GLB1L3: variants seen among roughly 807,000 people sequenced by gnomAD.
GLB1L3 encodes galactosidase beta 1 like 3.
GLB1L3 carries 89 observed loss-of-function variants against 89.5 expected under a neutral mutation model. That is an observed-to-expected ratio of 0.99 (90% CI 0.84 to 1.19). GLB1L3 has a LOEUF of 1.19. GLB1L3 is among the 50% of genes most tolerant of loss of function. The pLI is 0.00. For missense variants in GLB1L3, 812 were observed against 813.3 expected (o/e 1.00, Z 0.02); for synonymous variants, 314 against 312.3 (o/e 1.01, Z -0.06).
At chr11:134,292,978 C>T (rs1337457572) in intron 8 of GLB1L3, 167 bp from the exon 9 acceptor site, 7 of 657,866 alleles carry the variant, frequency 1.1e-5, no homozygotes, top group Admixed American at 2.3e-5. Context: ...TGGCGATGGC[C>T]GTGGCAGCCC....
rs374485962 is a variant in GLB1L3, at chr11:134,312,391, A to T, written c.1330A>T (p.Ile444Leu). 6.2e-7 allele frequency: 1 copy of T among 1,613,708 alleles called. No homozygotes were observed. Among genetic ancestry groups the T allele is most frequent in the East Asian group, 2.2e-5 (1 of 44,890 alleles). The change falls in exon 14 of 20, where the codon ATA becomes TTA. Residue 444 changes from isoleucine to leucine, a missense_variant. Ile to Leu is a conservative substitution (Grantham distance 5, BLOSUM62 2). This residue lies in a region of GLB1L3 where 618 missense variants were observed against 604.0 expected (regional missense o/e 1.02). Coordinates refer to ENST00000431683, the MANE Select transcript of GLB1L3 (RefSeq NM_001080407.3). ...RQPVNMENLPINNGSGQSYGL... is the reference protein window; with the variant it reads ...RQPVNMENLPLNNGSGQSYGL... Reference sequence around the variant, plus strand: ...GCCCGTCAACATGGAGAACCTTCCCATAAACAATGGGAGCGGCCAGTCCTA... The same window carrying T: ...GCCCGTCAACATGGAGAACCTTCCCTTAAACAATGGGAGCGGCCAGTCCTA...
rs141520896 is a variant in GLB1L3 at position 134,317,799 on chromosome 11, C to CTTTA, written c.1780-830_1780-829insTATT. 6.8e-3 allele frequency among the ~76,000 whole-genome samples: 1,030 copies of CTTTA among 152,092 alleles called. 17 individuals are homozygous for CTTTA. The highest frequency in any genetic ancestry group is 0.023 in the African/African-American group (966 of 41,498). ...TATGGTTGTAAATTTATTTATTTCTCTTCTGTCAATTTCGCTGATATGTTT... is the reference window on the plus strand; with the variant it reads ...TATGGTTGTAAATTTATTTATTTCTCTTTATTCTGTCAATTTCGCTGATATGTTT... On this transcript the variant is annotated intron_variant, in intron 18 of 19. Transcript: ENST00000431683.
At chr11:134,316,756 A>T (rs1045369466) in intron 18 of GLB1L3, 1 of 152,060 alleles carries the variant, frequency 6.6e-6, no homozygotes, top group East Asian at 1.9e-4. Flanking sequence ...TAAAATACCT[A>T]CTCTTGCTCT....
chr11:134,309,371 A>G (rs1475713024), intron 10 of GLB1L3, among the ~76,000 whole-genome samples: 1 of 152,232 alleles, frequency 6.6e-6, no homozygotes, highest in Non-Finnish European at 1.5e-5. Flanking sequence ...GAAACTAAAC[A>G]AAATGATGTA....
downstream of GLB1L3, among the ~76,000 whole-genome samples, chr11:134,320,803 A>T (rs763039064): frequency 6.6e-6 from 1 of 152,162 alleles, no homozygotes; most frequent in Non-Finnish European, 1.5e-5. Context: ...TCATCAAAAG[A>T]TCCCCACTAA....
intron 7 of GLB1L3, 130 bp from the exon 8 acceptor site, chr11:134,292,002 A>G: frequency 7.5e-6 from 5 of 666,720 alleles, no homozygotes; most frequent in East Asian, 2.8e-5. Flanking sequence ...TTAAAAAAGT[A>G]AAAACATATT....
chr11:134,302,828 G>T (rs1209214818), intron 9 of GLB1L3, among the ~76,000 whole-genome samples: 4 of 152,134 alleles, frequency 2.6e-5, no homozygotes, highest in African/African-American at 9.7e-5. Flanking sequence ...TTCTGTTTAA[G>T]TTCTATGTCA....
intron 11 of GLB1L3, 130 bp from the exon 12 acceptor site, chr11:134,310,440 AC>A: frequency 1.5e-6 from 1 of 651,840 alleles, no homozygotes. Flanking sequence ...GGCATCACAC[AC>A]CCACGTGGGA....
At chr11:134,280,323 T>C (rs1051620278) in intron 3 of GLB1L3, among the ~76,000 whole-genome samples, 5 of 152,204 alleles carry the variant, frequency 3.3e-5, no homozygotes, top group African/African-American at 1.2e-4. Flanking sequence ...TTTACAACTG[T>C]TTCATGCATT....
chr11:134,308,269 C>T (rs1403464680), intron 10 of GLB1L3, among the ~76,000 whole-genome samples: 4 of 50,578 alleles, frequency 7.9e-5, no homozygotes, highest in East Asian at 1.3e-3. Context: ...CCACCACCAC[C>T]ACCACCACCA....
chr11:134,287,203 A>G (rs575808197), intron 6 of GLB1L3: 1 of 152,362 alleles, frequency 6.6e-6, no homozygotes, highest in African/African-American at 2.4e-5. Context: ...TTTGGATGGA[A>G]GTTTTACCAG....
chr11:134,286,750 C>T (rs1941018015), intron 6 of GLB1L3, among the ~76,000 whole-genome samples: 2 of 150,982 alleles, frequency 1.3e-5, no homozygotes, highest in Non-Finnish European at 3.0e-5. Flanking sequence ...GCACTCCAGC[C>T]TGGGCGACAG....
At chr11:134,316,370 G>T (rs924417884) in intron 18 of GLB1L3, among the ~76,000 whole-genome samples, 1 of 152,038 alleles carries the variant, frequency 6.6e-6, no homozygotes, top group African/African-American at 2.4e-5. Flanking sequence ...ATGGGTAATG[G>T]TTCATATTGA....
chr11:134,292,191 G>A lies in GLB1L3; in HGVS notation c.789G>A (p.Val263=). Residue 263 remains valine (V), a synonymous_variant, in exon 8 of 20, where the codon GTG becomes GTA. Coordinates refer to ENST00000431683, the MANE Select transcript of GLB1L3 (RefSeq NM_001080407.3). ...LLLTSDGEKH[V]LSGHTKGVLA... ...TGACCTCTGATGGTGAGAAACATGTGCTGAGTGGCCACACCAAAGGAGGTA... is the reference window on the plus strand; with the variant it reads ...TGACCTCTGATGGTGAGAAACATGTACTGAGTGGCCACACCAAAGGAGGTA... The A allele has an allele frequency of 6.2e-7, 1 of 1,613,320 alleles. No homozygotes were observed. The highest frequency in any genetic ancestry group is 1.7e-5 in the Admixed American group (1 of 60,012).
rs867988505 is a variant in GLB1L3 at position 134,310,034 on chromosome 11, G to C, written c.1099+271G>C. 6.6e-5 allele frequency: 32 copies of C among 487,748 alleles called. 1 individual carries two copies. Among genetic ancestry groups the C allele is most frequent in the Middle Eastern group, 5.3e-4 (1 of 1,870 alleles). 30.2% of individuals were successfully genotyped at this position (487,748 alleles called of 1,614,324 possible). A position where few individuals can be genotyped will look rare whatever the true frequency, so the allele number is the denominator to read the frequency against. On this transcript the variant is annotated intron_variant, in intron 11 of 19. Coordinates refer to ENST00000431683, the MANE Select transcript of GLB1L3 (RefSeq NM_001080407.3). ...TGGCTTGAACCTCTGAAGAGAGGCA[G>C]GGTAGGAACGGTGACTGCTGTAAAG...
chr11:134,325,251 AGTC>A, the GLB1L3 span, among the ~76,000 whole-genome samples: 1 of 152,220 alleles, frequency 6.6e-6, no homozygotes, highest in African/African-American at 2.4e-5. Flanking sequence ...AAGTGAGTAC[AGTC>A]GTCCTGCAGC....
chr11:134,277,822 G>A lies in GLB1L3; in HGVS notation c.272G>A (p.Gly91Glu). The change falls in exon 3 of 20, where the codon GGG becomes GAG. Residue 91 changes from glycine (G) to glutamate (E), a missense_variant. Gly to Glu is a moderately conservative substitution (Grantham distance 98, BLOSUM62 -2). This residue lies in a region of GLB1L3 where 191 missense variants were observed against 191.4 expected (regional missense o/e 1.00). Coordinates refer to ENST00000431683, the MANE Select transcript of GLB1L3 (RefSeq NM_001080407.3). ...GAGGGCCACAAGTTCCTGATCTTCGGGGGCTCCATCCACTATTTCCGGGTG... is the reference window on the plus strand; with the variant it reads ...GAGGGCCACAAGTTCCTGATCTTCGAGGGCTCCATCCACTATTTCCGGGTG... ...TLEGHKFLIF[G>E]GSIHYFRVPR... is the part of the protein sequence containing the mutation. 1 of 1,614,106 alleles carries A rather than the reference G, an allele frequency of 6.2e-7. No individual in the cohort carries two copies. Among genetic ancestry groups the A allele is most frequent in the South Asian group, 1.1e-5 (1 of 91,074 alleles).
chr11:134,290,357 G>T (rs1941278928), intron 7 of GLB1L3, among the ~76,000 whole-genome samples: 1 of 152,150 alleles, frequency 6.6e-6, no homozygotes, highest in Non-Finnish European at 1.5e-5. Context: ...TGGATCACCT[G>T]AGGTCAGGAG....
intron 3 of GLB1L3, among the ~76,000 whole-genome samples, chr11:134,279,344 T>C (rs891964960): frequency 6.6e-6 from 1 of 150,680 alleles, no homozygotes; most frequent in East Asian, 2.0e-4. Flanking sequence ...TCCTTTCTTT[T>C]TTCTTTCTGT....
Sources: gnomAD v4.1 joint callset for allele counts (sites outside exome capture counted in the v4.1 genomes callset) on GRCh38, gnomAD v4.1.1 for gene constraint, gnomAD v4.1.1 regional missense constraint, MANE v1.5 for transcripts, NCBI Gene and HGNC (gene_info 2026-07-23, HGNC 2026-07-21) for gene names.